ASAP1: variants seen among roughly 807,000 people sequenced by gnomAD.
ASAP1 encodes the protein ArfGAP with SH3 domain, ankyrin repeat and PH domain 1, also known as arf-GAP with SH3 domain, ANK repeat and PH domain-containing protein 1.
In ASAP1, 43 loss-of-function variants were observed where a neutral mutation model predicts 145.2. That is an observed-to-expected ratio of 0.30 (90% CI 0.23 to 0.38). The LOEUF is 0.38. Ranked by LOEUF, ASAP1 falls within the 10% of genes least tolerant of loss-of-function variation. ASAP1 has a pLI of 1.00. For synonymous variants in ASAP1, 546 were observed against 515.5 expected (o/e 1.06, Z -0.80); for missense variants, 1,018 against 1,355.3 (o/e 0.75, Z 3.91).
chr8:130,176,800 C>A (rs1336067324), intron 9 of ASAP1, among the ~76,000 whole-genome samples: 1 of 151,938 alleles, frequency 6.6e-6, no homozygotes, highest in African/African-American at 2.4e-5. Flanking sequence ...AAGCGATTCT[C>A]CTGCCTCAGC....
chr8:130,081,447 T>A (rs915074043), intron 25 of ASAP1, among the ~76,000 whole-genome samples: 4 of 152,206 alleles, frequency 2.6e-5, no homozygotes, highest in African/African-American at 9.7e-5. Context: ...TTCCTATGAC[T>A]GCTCTGGAAA....
chr8:130,101,934 T>G (rs913845225), intron 24 of ASAP1, among the ~76,000 whole-genome samples: 2 of 152,022 alleles, frequency 1.3e-5, no homozygotes, highest in Non-Finnish European at 2.9e-5. Flanking sequence ...GATTTTTGTA[T>G]GTTGATTTTG....
At chr8:130,300,059 A>G (rs1435734314) in intron 3 of ASAP1, among the ~76,000 whole-genome samples, 1 of 151,558 alleles carries the variant, frequency 6.6e-6, no homozygotes, top group Non-Finnish European at 1.5e-5. Flanking sequence ...GACGAAAAAC[A>G]AACAAGCTAT....
At chr8:130,143,544 A>C (rs887628952) in intron 13 of ASAP1, among the ~76,000 whole-genome samples, 11 of 152,176 alleles carry the variant, frequency 7.2e-5, no homozygotes, top group African/African-American at 2.7e-4. Flanking sequence ...ACAAAAGGCA[A>C]ACCTATTCAA....
chr8:130,209,959 T>C (rs1033596687), intron 5 of ASAP1, among the ~76,000 whole-genome samples: 7 of 152,364 alleles, frequency 4.6e-5, no homozygotes, highest in East Asian at 1.9e-4. Context: ...AGCTAAAATT[T>C]TGGAAAACTT....
intron 3 of ASAP1, among the ~76,000 whole-genome samples, chr8:130,313,886 G>T (rs1353161594): frequency 7.2e-5 from 11 of 152,078 alleles, no homozygotes; most frequent in Non-Finnish European, 2.9e-5. Flanking sequence ...CACTGCACTC[G>T]ACACCACGTC....
At chr8:130,245,427 C>G (rs1429572646) in intron 3 of ASAP1, among the ~76,000 whole-genome samples, 3 of 152,052 alleles carry the variant, frequency 2.0e-5, no homozygotes, top group Non-Finnish European at 2.9e-5. Flanking sequence ...ATCTGTAAAT[C>G]CTAAACTTTG....
chr8:130,105,114 A>G (rs892983746), intron 24 of ASAP1, among the ~76,000 whole-genome samples: 1 of 152,228 alleles, frequency 6.6e-6, no homozygotes, highest in Non-Finnish European at 1.5e-5. Flanking sequence ...ATATGTATAC[A>G]GTTGGACCTT....
intron 5 of ASAP1, among the ~76,000 whole-genome samples, chr8:130,210,418 C>G (rs1816506770): frequency 6.6e-6 from 1 of 152,062 alleles, no homozygotes; most frequent in African/African-American, 2.4e-5. Context: ...TAGAAGTAGT[C>G]CACATAAACA....
At chr8:130,272,858 G>A (rs183736967) in intron 3 of ASAP1, among the ~76,000 whole-genome samples, 1 of 152,182 alleles carries the variant, frequency 6.6e-6, no homozygotes, top group South Asian at 2.1e-4. Flanking sequence ...AGGTGGGAGA[G>A]AGAGAGAATA....
intron 29 of ASAP1, among the ~76,000 whole-genome samples, chr8:130,056,657 G>A (rs913330680): frequency 6.6e-6 from 1 of 152,228 alleles, no homozygotes; most frequent in Non-Finnish European, 1.5e-5. Flanking sequence ...AAAGGTGAAT[G>A]TGTGCCCATG....
chr8:130,226,374 A>C (rs1207042762), intron 4 of ASAP1, among the ~76,000 whole-genome samples: 4 of 152,192 alleles, frequency 2.6e-5, no homozygotes, highest in Non-Finnish European at 5.9e-5. Context: ...ACTGCTGATT[A>C]TGAGCAAATT....
At chr8:130,326,153 T>G (rs755648785) in intron 3 of ASAP1, among the ~76,000 whole-genome samples, 1 of 152,194 alleles carries the variant, frequency 6.6e-6, no homozygotes, top group Admixed American at 6.5e-5. Flanking sequence ...GGAGGTGGCA[T>G]GTGATATGCC....
chr8:130,279,585 T>C (rs1270920473), intron 3 of ASAP1, among the ~76,000 whole-genome samples: 2 of 152,232 alleles, frequency 1.3e-5, no homozygotes, highest in African/African-American at 4.8e-5. Flanking sequence ...TTATCAGCTG[T>C]GTGATCTCAA....
intron 3 of ASAP1, among the ~76,000 whole-genome samples, chr8:130,268,192 T>TA (rs2137045591): frequency 6.6e-6 from 1 of 152,188 alleles, no homozygotes; most frequent in Admixed American, 6.5e-5. Context: ...GCCCTCAAAA[T>TA]AAGACTGTAT....
rs142885934 is a variant in ASAP1 at position 130,188,980 on chromosome 8, T to C, written c.406-797A>G. Among the ~76,000 whole-genome samples the C allele has an allele frequency of 2.0e-3, 311 of 152,270 alleles. 3 individuals carry two copies. Among genetic ancestry groups the C allele is most frequent in the Middle Eastern group, 6.8e-3 (2 of 294 alleles). On this transcript the variant is annotated intron_variant, in intron 5 of 29. Coordinates refer to ENST00000518721, the MANE Select transcript of ASAP1 (RefSeq NM_018482.4). ...CATTTTTTTATAGCATGTATCATTA[T>C]CTGAAATTACTGTGTTTGGATTTTT...
At chr8:130,137,262 T>G (rs188797720) in intron 13 of ASAP1, among the ~76,000 whole-genome samples, 123 of 152,356 alleles carry the variant, frequency 8.1e-4, no homozygotes, top group African/African-American at 2.8e-3. Context: ...GTAAGTTTAG[T>G]AAAGTTTTAT....
chr8:130,190,482 G>A (rs755107428), intron 5 of ASAP1, among the ~76,000 whole-genome samples: 1 of 151,858 alleles, frequency 6.6e-6, no homozygotes, highest in African/African-American at 2.4e-5. Flanking sequence ...ATTTATCTCT[G>A]GGTTCTCTAT....
intron 18 of ASAP1, among the ~76,000 whole-genome samples, chr8:130,121,717 G>A (rs2097566259): frequency 7.0e-6 from 1 of 142,098 alleles, no homozygotes; most frequent in Non-Finnish European, 1.5e-5. Context: ...CCGGGAGGTG[G>A]AGGTTGCAGT....
Sources: allele counts gnomAD v4.1 joint callset (sites outside exome capture counted in the v4.1 genomes callset), GRCh38; gene constraint gnomAD v4.1.1; transcripts MANE v1.5; gene names NCBI Gene and HGNC (gene_info 2026-07-23, HGNC 2026-07-21).